ROBO2: variants seen among roughly 807,000 people sequenced by gnomAD.
ROBO2 encodes the protein roundabout guidance receptor 2, also known as roundabout homolog 2.
ROBO2 carries 53 observed loss-of-function variants against 160.8 expected under a neutral mutation model. The ratio of observed to expected loss-of-function variants is 0.33; its 90% confidence interval spans 0.26 to 0.41. ROBO2 has a LOEUF of 0.41. Among genes scored for constraint, ROBO2 ranks in the 10% least tolerant of loss-of-function variants. The probability of loss-of-function intolerance (pLI) is 1.00; values close to 1 mark genes in which losing one functional copy is unlikely to be tolerated. For missense variants in ROBO2, 1,577 were observed against 1,722.4 expected, an observed-to-expected ratio of 0.92 and a Z score of 1.49; for synonymous variants, 664 against 611.7, an observed-to-expected ratio of 1.09 and a Z score of -1.26.
intron 1 of ROBO2, among the ~76,000 whole-genome samples, chr3:75,921,593 G>T (rs907983661): frequency 6.6e-6 from 1 of 152,058 alleles, no homozygotes; most frequent in Non-Finnish European, 1.5e-5. Flanking sequence ...ATACTATAAT[G>T]TTTGTAATGC....
intron 5 of ROBO2, among the ~76,000 whole-genome samples, chr3:77,506,333 GAA>G (rs1386769684): frequency 1.3e-5 from 2 of 152,150 alleles, no homozygotes; most frequent in East Asian, 3.9e-4. Flanking sequence ...TGCACACTTG[GAA>G]CAACTTTCTA....
intron 2 of ROBO2, among the ~76,000 whole-genome samples, chr3:76,211,570 A>G (rs762724029): frequency 8.5e-5 from 13 of 152,114 alleles, no homozygotes; most frequent in Non-Finnish European, 1.5e-4. Context: ...GAAATTCCTT[A>G]CAAGCAATGC....
chr3:77,134,814 A>G (rs1031339433), intron 2 of ROBO2, among the ~76,000 whole-genome samples: 2 of 152,242 alleles, frequency 1.3e-5, no homozygotes, highest in African/African-American at 4.8e-5. Flanking sequence ...TAATCAAATC[A>G]GTACAGCTAT....
chr3:77,085,239 A>C lies in ROBO2; in HGVS notation c.62-12775A>C, dbSNP rs185432002. On this transcript the variant is annotated intron_variant, in intron 1 of 25. Transcript: ENST00000461745. ...AAATAAAACTGGAGAAAATGTTTTT[A>C]TTAAAGACGTAAATTTATACTTATT... 2.4e-3 allele frequency among the ~76,000 whole-genome samples: 364 copies of C among 152,292 alleles called. 1 individual carries two copies. Among genetic ancestry groups the C allele is most frequent in the Admixed American group, 9.1e-3 (139 of 15,288 alleles).
At chr3:76,550,546 C>T (rs2083351410) in intron 2 of ROBO2, among the ~76,000 whole-genome samples, 2 of 152,192 alleles carry the variant, frequency 1.3e-5, no homozygotes, top group South Asian at 4.1e-4. Context: ...AGGAGCCCTG[C>T]CCCCTTCCAA....
At chr3:77,053,866 G>A (rs1429665431) in intron 1 of ROBO2, among the ~76,000 whole-genome samples, 1 of 152,188 alleles carries the variant, frequency 6.6e-6, no homozygotes, top group African/African-American at 2.4e-5. Flanking sequence ...CTGGGGATAA[G>A]TACAGGAGTT....
chr3:76,356,129 A>T (rs1459402230), intron 2 of ROBO2, among the ~76,000 whole-genome samples: 1 of 151,816 alleles, frequency 6.6e-6, no homozygotes, highest in African/African-American at 2.4e-5. Flanking sequence ...TTTCATCTGA[A>T]TATTTAATTT....
At chr3:76,024,350 C>T (rs1457358650) in intron 2 of ROBO2, among the ~76,000 whole-genome samples, 1 of 143,696 alleles carries the variant, frequency 7.0e-6, no homozygotes, top group Non-Finnish European at 1.5e-5. Flanking sequence ...CAAGTTAACT[C>T]ATGTTTATGT....
intron 2 of ROBO2, among the ~76,000 whole-genome samples, chr3:76,577,391 C>T (rs1055244645): frequency 2.0e-5 from 3 of 152,042 alleles, no homozygotes; most frequent in African/African-American, 4.8e-5. Context: ...CCTTACACAG[C>T]TTTCCCTTGG....
intron 2 of ROBO2, among the ~76,000 whole-genome samples, chr3:76,412,597 G>C (rs1038482358): frequency 6.6e-6 from 1 of 152,150 alleles, no homozygotes; most frequent in African/African-American, 2.4e-5. Context: ...GGGGCTACAA[G>C]GACCATGCAA....
intron 2 of ROBO2, among the ~76,000 whole-genome samples, chr3:76,556,106 A>C (rs1214569613): frequency 6.6e-6 from 1 of 152,166 alleles, no homozygotes; most frequent in Non-Finnish European, 1.5e-5. Flanking sequence ...TCTCCAAAAA[A>C]TAAAAAATAA....
At chr3:77,554,980 A>G (rs1419138807) in intron 8 of ROBO2, among the ~76,000 whole-genome samples, 1 of 151,956 alleles carries the variant, frequency 6.6e-6, no homozygotes, top group Non-Finnish European at 1.5e-5. Context: ...ATAGTGAATC[A>G]ATATGGTAAG....
At chr3:76,542,061 C>T (rs1241487140) in intron 2 of ROBO2, among the ~76,000 whole-genome samples, 2 of 152,122 alleles carry the variant, frequency 1.3e-5, no homozygotes, top group African/African-American at 4.8e-5. Flanking sequence ...ACTTCATCCC[C>T]ATTTGTCTTC....
At chr3:77,495,404 G>A (rs2086655320) in intron 5 of ROBO2, among the ~76,000 whole-genome samples, 1 of 152,160 alleles carries the variant, frequency 6.6e-6, no homozygotes, top group South Asian at 2.1e-4. Context: ...AGCAAAGCTT[G>A]ATAGGTAATA....
chr3:76,913,152 G>A (rs1447441249), intron 2 of ROBO2, among the ~76,000 whole-genome samples: 1 of 152,138 alleles, frequency 6.6e-6, no homozygotes, highest in Non-Finnish European at 1.5e-5. Context: ...TGAGCCTTCC[G>A]ACTTTAAAAT....
intron 2 of ROBO2, among the ~76,000 whole-genome samples, chr3:76,956,074 G>A (rs187164941): frequency 7.9e-5 from 12 of 151,912 alleles, no homozygotes; most frequent in East Asian, 5.8e-4. Flanking sequence ...TCTACTTTAC[G>A]CCCTCCAGAC....
intron 2 of ROBO2, among the ~76,000 whole-genome samples, chr3:77,108,245 CAT>C (rs748458929): frequency 3.4e-5 from 5 of 147,304 alleles, no homozygotes; most frequent in Non-Finnish European, 6.0e-5. Flanking sequence ...TATGTATACA[CAT>C]ATGCATATAT....
At chr3:76,049,079 G>A (rs2067554651) in intron 2 of ROBO2, among the ~76,000 whole-genome samples, 1 of 152,070 alleles carries the variant, frequency 6.6e-6, no homozygotes, top group African/African-American at 2.4e-5. Flanking sequence ...TCATCTCTTT[G>A]GGGGAGAGAG....
intron 2 of ROBO2, among the ~76,000 whole-genome samples, chr3:76,328,520 A>C (rs1304900162): frequency 6.6e-6 from 1 of 152,116 alleles, no homozygotes; most frequent in African/African-American, 2.4e-5. Flanking sequence ...AGATCAGGAG[A>C]TCGAGACCAT....
Sources: gnomAD v4.1 joint callset for allele counts (sites outside exome capture counted in the v4.1 genomes callset) on GRCh38, gnomAD v4.1.1 for gene constraint, MANE v1.5 for transcripts, NCBI Gene and HGNC (gene_info 2026-07-23, HGNC 2026-07-21) for gene names.